Variants in SPDL1 observed in about 807,000 individuals in gnomAD.
SPDL1 encodes the protein protein Spindly.
SPDL1 carries 85 observed loss-of-function variants against 79.5 expected under a neutral mutation model. The observed-to-expected ratio is 1.07, with a 90% CI of 0.90 to 1.28. SPDL1 has a LOEUF of 1.28. Among genes scored for constraint, SPDL1 ranks in the 50% most tolerant of loss-of-function variants. The pLI is 0.00. For missense variants in SPDL1, 703 were observed against 697.8 expected (o/e 1.01, Z -0.08); for synonymous variants, 269 against 240.3 (o/e 1.12, Z -1.10).
Position 169,596,599 on chromosome 5 carries a change from A to G in SPDL1, c.930A>G (p.Gln310=). The change falls in exon 8 of 12, where the codon CAA becomes CAG. Residue 310 remains glutamine (Q), a synonymous_variant. Coordinates refer to ENST00000265295, the MANE Select transcript of SPDL1 (RefSeq NM_017785.5). ...CGTTGCTACAGATGAAAGGGTCTCA[A>G]ACTGAATTTGAGCAGCAGGAACGGT... ...IATLLQMKGS[Q]TEFEQQERLL... is the part of the protein sequence containing the mutation. The G allele has an allele frequency of 6.2e-7, 1 of 1,611,886 alleles. No individual in the cohort carries two copies. The highest frequency in any genetic ancestry group is 8.5e-7 in the Non-Finnish European group (1 of 1,179,242).
In SPDL1 at chr5:169,604,079, CT is replaced by C. The variant is rs781657740; in HGVS notation, c.1692del (p.Gln565LysfsTer65). 1 of 1,611,278 alleles carries C rather than the reference CT, an allele frequency of 6.2e-7. No homozygotes were observed. The highest frequency in any genetic ancestry group is 1.1e-5 in the South Asian group (1 of 90,534). On this transcript the variant is annotated frameshift_variant, in exon 12 of 12. Transcript: ENST00000265295. LOFTEE classifies it high-confidence loss of function. ...CTGTAGGTTAGCTGCTGAATCAAAG[CT>C]TCAAACAGAAGTTAAAGAAGGAAAA... The part of the protein sequence containing the change: ...NSPRLAAESK[L>X]QTEVKEGKET...
chr5:169,594,261 G>A lies in SPDL1; in HGVS notation c.648G>A (p.Glu216=). ...DRLKEEKEER[E]KEAVSYYNAL... ...TTAAAGAGGAAAAAGAGGAGCGAGA[G>A]AAAGAAGCAGTTTCTTACTATAATG... Residue 216 remains glutamate (E), a synonymous_variant, in exon 5 of 12, where the codon GAG becomes GAA. Transcript: ENST00000265295. The A allele has an allele frequency of 1.2e-6, 2 of 1,614,028 alleles. No homozygotes were observed. Among genetic ancestry groups the A allele is most frequent in the Non-Finnish European group, 8.5e-7 (1 of 1,179,932 alleles).
chr5:169,594,748 A>G (rs1045242173), intron 7 of SPDL1, 67 bp downstream of exon 7: 1 of 1,027,880 alleles, frequency 9.7e-7, no homozygotes. Flanking sequence ...GTATGAATAC[A>G]TCAAAGAAAC....
chr5:169,589,728 G>T (rs1755175269), intron 2 of SPDL1, among the ~76,000 whole-genome samples: 1 of 150,686 alleles, frequency 6.6e-6, no homozygotes, highest in Admixed American at 6.6e-5. Flanking sequence ...TTGAAACAGG[G>T]TCTCACTCTG....
rs371615505 is a variant in SPDL1 at position 169,591,138 on chromosome 5, A to G, written c.250A>G (p.Lys84Glu). 2 of 1,613,968 alleles carry G rather than the reference A, an allele frequency of 1.2e-6. No individual in the cohort carries two copies. Among genetic ancestry groups the G allele is most frequent in the Admixed American group, 1.7e-5 (1 of 60,004 alleles). Residue 84 changes from lysine to glutamate, a missense_variant, in exon 3 of 12, where the codon AAA (lysine) becomes GAA (glutamate). Physicochemically the swap from Lys to Glu is moderately conservative, Grantham distance 56. Transcript: ENST00000265295. ...ESLSCECEAIKQQQKMHLEKL... is the reference protein window; with the variant it reads ...ESLSCECEAIEQQQKMHLEKL... ...TTTGAGCTGCGAATGTGAAGCTATT[A>G]AACAACAACAAAAAATGCACCTGGA...
At chr5:169,585,609 A>G (rs1322777232) in intron 1 of SPDL1, among the ~76,000 whole-genome samples, 1 of 152,246 alleles carries the variant, frequency 6.6e-6, no homozygotes, top group Admixed American at 6.5e-5. Flanking sequence ...ATCCTCAACG[A>G]ATGTAAGTTA....
intron 4 of SPDL1, among the ~76,000 whole-genome samples, chr5:169,593,872 G>C (rs1446249350): frequency 1.3e-5 from 2 of 152,168 alleles, no homozygotes; most frequent in Non-Finnish European, 2.9e-5. Flanking sequence ...TGAAATGCAT[G>C]TGAACTTGGT....
At chr5:169,590,638 TC>T in intron 2 of SPDL1, 1 of 429,212 alleles carries the variant, frequency 2.3e-6, no homozygotes, top group Non-Finnish European at 4.7e-6. Context: ...TTCTTTTTTT[TC>T]AACTATTATT....
chr5:169,593,262 A>G (rs1258194083), intron 3 of SPDL1, 92 bp from the exon 4 acceptor site: 1 of 1,123,170 alleles, frequency 8.9e-7, no homozygotes, highest in Non-Finnish European at 1.2e-6. Flanking sequence ...TAGTATCATC[A>G]TTCAGTAAGT....
At chr5:169,588,602 AAG>A in intron 2 of SPDL1, 27 bp downstream of exon 2, 1 of 1,576,114 alleles carries the variant, frequency 6.3e-7, no homozygotes, top group Non-Finnish European at 8.6e-7. Flanking sequence ...CTCTGTCTGC[AAG>A]AGTGTGCTTA....
chr5:169,585,492 C>T (rs1754945105), intron 1 of SPDL1, among the ~76,000 whole-genome samples: 1 of 151,986 alleles, frequency 6.6e-6, no homozygotes, highest in African/African-American at 2.4e-5. Flanking sequence ...TGAGGTTAAC[C>T]CTATTTTTAT....
chr5:169,589,936 C>T (rs935637898), intron 2 of SPDL1, among the ~76,000 whole-genome samples: 9 of 152,134 alleles, frequency 5.9e-5, no homozygotes, highest in Non-Finnish European at 1.2e-4. Flanking sequence ...CTCCTGGCTT[C>T]ACGTAATCTG....
At chr5:169,588,335 A>T in intron 1 of SPDL1, 59 bp from the exon 2 acceptor site, 1 of 1,174,436 alleles carries the variant, frequency 8.5e-7, no homozygotes, top group South Asian at 1.6e-5. Flanking sequence ...TCTGTTATTG[A>T]TATTATTGCA....
intron 2 of SPDL1, 105 bp from the exon 3 acceptor site, chr5:169,590,943 C>A: frequency 1.0e-6 from 1 of 1,001,372 alleles, no homozygotes. Flanking sequence ...TGGAAAGCAG[C>A]AAATGCTTGA....
At chr5:169,592,305 C>A (rs1160781997) in intron 3 of SPDL1, among the ~76,000 whole-genome samples, 2 of 143,950 alleles carry the variant, frequency 1.4e-5, no homozygotes, top group Non-Finnish European at 3.0e-5. Flanking sequence ...GCAACCTCTG[C>A]CTCCCGGGTT....
rs750334437 is a variant in SPDL1, at chr5:169,588,439, A to G, written c.23A>G (p.Asn8Ser). 1.1e-5 allele frequency: 17 copies of G among 1,611,736 alleles called. No homozygotes were observed. The South Asian group carries it at 1.8e-4, about 17-fold the overall frequency. Residue 8 changes from asparagine (N) to serine (S), a missense_variant, in exon 2 of 12, where the codon AAT becomes AGT. Coordinates refer to ENST00000265295, the MANE Select transcript of SPDL1 (RefSeq NM_017785.5). ...AACATGGAGGCAGATATAATCACAAATCTTCGATGCAGGCTCAAAGAGGCT... is the reference window on the plus strand; with the variant it reads ...AACATGGAGGCAGATATAATCACAAGTCTTCGATGCAGGCTCAAAGAGGCT... MEADIIT[N>S]LRCRLKEAEE...
At chr5:169,587,582 G>A (rs1755052326) in intron 1 of SPDL1, among the ~76,000 whole-genome samples, 1 of 152,102 alleles carries the variant, frequency 6.6e-6, no homozygotes. Context: ...TCTCTTTCCA[G>A]GAAAGCAGAT....
intron 3 of SPDL1, among the ~76,000 whole-genome samples, chr5:169,592,805 CTTTT>C (rs11301691): frequency 3.5e-5 from 3 of 85,002 alleles, no homozygotes; most frequent in African/African-American, 8.8e-5. Context: ...ATAGAGATGG[CTTTT>C]TTTTTTTTTT....
Position 169,601,418 on chromosome 5 carries a change from A to T in SPDL1, c.1463A>T (p.Gln488Leu). 6.2e-7 allele frequency: 1 copy of T among 1,614,162 alleles called. No individual in the cohort carries two copies. The highest frequency in any genetic ancestry group is 8.5e-7 in the Non-Finnish European group (1 of 1,180,026). The change falls in exon 11 of 12, where the codon CAG becomes CTG. Residue 488 changes from glutamine to leucine, a missense_variant. Coordinates refer to ENST00000265295, the MANE Select transcript of SPDL1 (RefSeq NM_017785.5). ...YRLPPQKEET[Q>L]SCPNSLEDNN... ...TTACCGCCTCAGAAAGAGGAGACAC[A>T]GTCCTGCCCTAACAGTTTAGAAGAT...
Sources: gnomAD v4.1 joint callset for allele counts (sites outside exome capture counted in the v4.1 genomes callset) on GRCh38, gnomAD v4.1.1 for gene constraint, MANE v1.5 for transcripts, NCBI Gene and HGNC (gene_info 2026-07-23, HGNC 2026-07-21) for gene names.